Variants in KIF4A observed in about 807,000 individuals in gnomAD.
KIF4A encodes the protein chromosome-associated kinesin KIF4A.
A neutral mutation model predicts 105.9 loss-of-function variants in KIF4A; 7 were observed. That is an observed-to-expected ratio of 0.07 (90% CI 0.04 to 0.12). The LOEUF is 0.12. Among genes scored for constraint, KIF4A ranks in the 10% least tolerant of loss-of-function variants. The pLI, the probability that KIF4A is intolerant of heterozygous loss-of-function variation, is 1.00. For synonymous variants in KIF4A, 281 were observed against 331.3 expected, an observed-to-expected ratio of 0.85 and a Z score of 1.65; for missense variants, 558 against 929.2, an observed-to-expected ratio of 0.60 and a Z score of 5.19.
At chrX:70,313,992 T>C (rs944150970) in intron 7 of KIF4A, among the ~76,000 whole-genome samples, 10 of 112,243 alleles carry the variant, frequency 8.9e-5, no homozygotes, top group African/African-American at 3.2e-4. Context: ...CTCTTCATAA[T>C]TACCAATTCC....
chrX:70,299,013 G>A, intron 4 of KIF4A, 100 bp from the exon 5 acceptor site: 1 of 560,153 alleles, frequency 1.8e-6, no homozygotes, highest in South Asian at 4.4e-5. Context: ...TTTAAATATA[G>A]AAAGTCACAA....
At chrX:70,349,391 GCCGGGCAGAGACAC>G (rs2086013137) in intron 13 of KIF4A, among the ~76,000 whole-genome samples, 1 of 97,732 alleles carries the variant, frequency 1.0e-5, no homozygotes, top group African/African-American at 3.9e-5. Context: ...AGACAGGGTG[GCCGGGCAGAGACAC>G]TCCCTACTTC....
In KIF4A at chrX:70,387,308, C is replaced by T; in HGVS notation, c.2232+11C>T. ...GCAGCTCGAGTGAAGGTATGAACAACTTGAACTGCCATTTCTCTTGTGGAC... is the reference window on the plus strand; with the variant it reads ...GCAGCTCGAGTGAAGGTATGAACAATTTGAACTGCCATTTCTCTTGTGGAC... On this transcript the variant is annotated intron_variant, in intron 20 of 30. Transcript: ENST00000374403. 1 of 1,103,549 alleles carries T rather than the reference C, an allele frequency of 9.1e-7. No individual in the cohort carries two copies. The highest frequency in any genetic ancestry group is 1.2e-6 in the Non-Finnish European group (1 of 817,630). The allele number at this position is 1,103,549 out of a possible 1,213,427, so 90.9% of individuals were successfully genotyped here.
At chrX:70,398,825 C>T (rs1448867028) in intron 22 of KIF4A, among the ~76,000 whole-genome samples, 1 of 111,672 alleles carries the variant, frequency 9.0e-6, no homozygotes, top group Non-Finnish European at 1.9e-5. Flanking sequence ...GCTCATGAGC[C>T]AGTGATCAAA....
At chrX:70,407,659 T>A (rs1374254080) in intron 28 of KIF4A, among the ~76,000 whole-genome samples, 1 of 112,370 alleles carries the variant, frequency 8.9e-6, no homozygotes, top group Non-Finnish European at 1.9e-5. Flanking sequence ...TAATGTTCCA[T>A]ACCATTTCAT....
chrX:70,310,905 C>T (rs996417396), intron 7 of KIF4A, among the ~76,000 whole-genome samples: 16 of 110,459 alleles, frequency 1.4e-4, no homozygotes, highest in Non-Finnish European at 2.8e-4. Flanking sequence ...GTAGGAGGAT[C>T]GCTTGAGCCC....
At chrX:70,356,720 A>G (rs1051660570) in intron 15 of KIF4A, among the ~76,000 whole-genome samples, 3 of 112,296 alleles carry the variant, frequency 2.7e-5, no homozygotes, top group Non-Finnish European at 5.6e-5. Flanking sequence ...AAGAATTGGC[A>G]GTATAATTAT....
intron 28 of KIF4A, among the ~76,000 whole-genome samples, chrX:70,413,406 G>A (rs1373193314): frequency 9.0e-6 from 1 of 111,580 alleles, no homozygotes; most frequent in African/African-American, 3.3e-5. Flanking sequence ...GGCCGAGGTG[G>A]GCGGATCACT....
At chrX:70,373,967 C>T (rs1203639018) in intron 15 of KIF4A, among the ~76,000 whole-genome samples, 184 bp from the exon 16 acceptor site, 1 of 105,655 alleles carries the variant, frequency 9.5e-6, no homozygotes, top group Non-Finnish European at 1.9e-5. Context: ...AACCCAGACC[C>T]TCAGATTCCA....
At chrX:70,308,653 A>G (rs2085836624) in intron 7 of KIF4A, among the ~76,000 whole-genome samples, 1 of 112,542 alleles carries the variant, frequency 8.9e-6, no homozygotes, top group Admixed American at 9.4e-5. Context: ...TCTGTCATCC[A>G]GGCTGGAGTA....
chrX:70,382,754 C>T (rs1255787362), intron 18 of KIF4A, among the ~76,000 whole-genome samples: 3 of 103,353 alleles, frequency 2.9e-5, no homozygotes, highest in African/African-American at 1.1e-4. Flanking sequence ...GGAAATTGAC[C>T]CCACCCTGGG....
chrX:70,414,294 G>C, intron 28 of KIF4A, among the ~76,000 whole-genome samples: 1 of 111,356 alleles, frequency 9.0e-6, no homozygotes, highest in Non-Finnish European at 1.9e-5. Context: ...GGTTTCTACA[G>C]AGCAACTACA....
chrX:70,413,175 G>A (rs1054072452), intron 28 of KIF4A, among the ~76,000 whole-genome samples: 8 of 112,414 alleles, frequency 7.1e-5, no homozygotes, highest in African/African-American at 9.7e-5. Flanking sequence ...GAGAAGACAT[G>A]AAACAAGGCA....
In KIF4A at chrX:70,322,037, G is replaced by A. The variant is rs777512599; in HGVS notation, c.779-7368G>A. 2.7e-5 allele frequency among the ~76,000 whole-genome samples: 3 copies of A among 109,961 alleles called. No individual in the cohort carries two copies. In the South Asian group the frequency reaches 1.2e-3, roughly 44 times the overall value. Reference sequence around the variant, plus strand: ...TGAAACATAACCCAGGCTTTGTCCTGGGATATTTTCTTTCTCTTCCCACTG... The same window carrying A: ...TGAAACATAACCCAGGCTTTGTCCTAGGATATTTTCTTTCTCTTCCCACTG... On this transcript the variant is annotated intron_variant, in intron 7 of 30. Coordinates refer to ENST00000374403, the MANE Select transcript of KIF4A (RefSeq NM_012310.5).
At chrX:70,321,399 C>T (rs1459032792) in intron 7 of KIF4A, among the ~76,000 whole-genome samples, 1 of 112,291 alleles carries the variant, frequency 8.9e-6, no homozygotes, top group African/African-American at 3.2e-5. Context: ...TGAGATTTCT[C>T]TAGTACCACA....
chrX:70,292,531 A>G (rs2085765081), intron 3 of KIF4A, among the ~76,000 whole-genome samples: 1 of 112,337 alleles, frequency 8.9e-6, no homozygotes, highest in Non-Finnish European at 1.9e-5. Flanking sequence ...ACTGAAGCCT[A>G]TTGGGCAGCA....
intron 15 of KIF4A, among the ~76,000 whole-genome samples, chrX:70,357,497 T>A: frequency 8.9e-6 from 1 of 112,186 alleles, no homozygotes; most frequent in Non-Finnish European, 1.9e-5. Flanking sequence ...TTTGCTTCAC[T>A]TCTTTCTCAT....
chrX:70,413,648 G>A (rs1048044938), intron 28 of KIF4A, among the ~76,000 whole-genome samples: 3 of 87,758 alleles, frequency 3.4e-5, no homozygotes, highest in Non-Finnish European at 6.9e-5. Flanking sequence ...AAAAAAAAGA[G>A]TGCTTGGGTA....
chrX:70,365,845 A>C (rs753545219), intron 15 of KIF4A, among the ~76,000 whole-genome samples: 1 of 111,896 alleles, frequency 8.9e-6, no homozygotes, highest in South Asian at 3.8e-4. Context: ...TACCTCTGGT[A>C]GAATTCGGCT....
Sources: gnomAD v4.1 joint callset for allele counts (sites outside exome capture counted in the v4.1 genomes callset) on GRCh38, gnomAD v4.1.1 for gene constraint, MANE v1.5 for transcripts, NCBI Gene and HGNC (gene_info 2026-07-23, HGNC 2026-07-21) for gene names.